The following SIPA1L3 variants were observed in gnomAD, a reference collection of about 807,000 sequenced individuals.
SIPA1L3 encodes signal-induced proliferation-associated 1-like protein 3.
Under a neutral mutation model 150.1 loss-of-function variants are expected in SIPA1L3, and 59 were observed. The ratio of observed to expected loss-of-function variants is 0.39; its 90% CI spans 0.32 to 0.49. The LOEUF (loss-of-function observed/expected upper bound fraction) is 0.49. Among genes scored for constraint, SIPA1L3 ranks in the 20% least tolerant of loss-of-function variants. The probability of loss-of-function intolerance (pLI) is 0.86; values close to 1 mark genes in which losing one functional copy is unlikely to be tolerated. For missense variants in SIPA1L3, 2,211 were observed against 2,489.5 expected (o/e 0.89, Z 2.38); for synonymous variants, 1,070 against 1,077.6 (o/e 0.99, Z 0.14).
intron 18 of SIPA1L3, among the ~76,000 whole-genome samples, chr19:38,197,007 G>A (rs1268216886): frequency 6.6e-6 from 1 of 152,190 alleles, no homozygotes; most frequent in African/African-American, 2.4e-5. Flanking sequence ...AGCACGTAGT[G>A]TATACCTCAT....
At chr19:38,175,350 C>T (rs1972414763) in intron 15 of SIPA1L3, among the ~76,000 whole-genome samples, 1 of 152,134 alleles carries the variant, frequency 6.6e-6, no homozygotes. Flanking sequence ...CCCAGGACCA[C>T]CCATTGGTCC....
chr19:38,027,774 C>T (rs1370806050), intron 1 of SIPA1L3, among the ~76,000 whole-genome samples: 1 of 151,896 alleles, frequency 6.6e-6, no homozygotes, highest in Non-Finnish European at 1.5e-5. Context: ...ATCTTAGCCT[C>T]CTGAGTAGCT....
chr19:38,138,018 C>T (rs1971474973), intron 10 of SIPA1L3, among the ~76,000 whole-genome samples: 1 of 152,084 alleles, frequency 6.6e-6, no homozygotes, highest in African/African-American at 2.4e-5. Context: ...GTAGTCCCAG[C>T]TACTCAGGAG....
chr19:38,169,475 TG>T (rs5828006), intron 15 of SIPA1L3, among the ~76,000 whole-genome samples: 12,694 of 152,134 alleles, frequency 0.083, 672 homozygotes, highest in Middle Eastern at 0.14. Context: ...ACTTCTTGGC[TG>T]TGTACCCCCA....
intron 4 of SIPA1L3, among the ~76,000 whole-genome samples, chr19:38,089,328 CAAAAAAAAAA>C (rs55806031): frequency 4.7e-5 from 3 of 64,288 alleles, no homozygotes; most frequent in African/African-American, 1.5e-4. Context: ...GACTGTGTCT[CAAAAAAAAAA>C]AAAAAAAAAG....
chr19:37,979,371 A>T (rs1967147331), intron 1 of SIPA1L3, among the ~76,000 whole-genome samples: 1 of 151,710 alleles, frequency 6.6e-6, no homozygotes. Flanking sequence ...CAACATGGTG[A>T]AACCCTATCT....
chr19:38,150,832 C>G (rs1230137920), intron 12 of SIPA1L3, among the ~76,000 whole-genome samples: 2 of 152,262 alleles, frequency 1.3e-5, no homozygotes, highest in African/African-American at 4.8e-5. Flanking sequence ...TGAGCCACCA[C>G]ACCTGGCTAA....
chr19:38,149,722 T>A (rs1203791532), intron 12 of SIPA1L3, among the ~76,000 whole-genome samples: 1 of 152,166 alleles, frequency 6.6e-6, no homozygotes, highest in African/African-American at 2.4e-5. Flanking sequence ...TGAGGAAGCT[T>A]CGAGGCTGGA....
At chr19:38,023,374 G>C (rs1475618743) in intron 1 of SIPA1L3, among the ~76,000 whole-genome samples, 1 of 152,190 alleles carries the variant, frequency 6.6e-6, no homozygotes. Context: ...TCATTATTGT[G>C]TGCTATTAAT....
Position 38,164,385 on chromosome 19 carries a change from C to T in SIPA1L3, c.3781-94C>T. On this transcript the variant is annotated intron_variant, in intron 14 of 21. Transcript: ENST00000222345. This position sits in a 1 kb window ranked among gnomAD's most constrained non-coding sequence, Gnocchi z 4.1. ...AGCCAGGATTTGAAGCTGTCTGGTCCCAGGGTTCAGGCCCAGGCAGAGGGA... is the reference window on the plus strand; with the variant it reads ...AGCCAGGATTTGAAGCTGTCTGGTCTCAGGGTTCAGGCCCAGGCAGAGGGA... 8.1e-7 allele frequency: 1 copy of T among 1,230,248 alleles called. No individual in the cohort carries two copies. Among genetic ancestry groups the T allele is most frequent in the East Asian group, 2.4e-5 (1 of 42,498 alleles). 76.2% of individuals were successfully genotyped at this position (1,230,248 alleles called of 1,614,324 possible).
At chr19:38,165,785 G>A (rs891299986) in intron 15 of SIPA1L3, among the ~76,000 whole-genome samples, 18 of 152,082 alleles carry the variant, frequency 1.2e-4, no homozygotes, top group African/African-American at 4.3e-4. Context: ...TTTTTTAGAC[G>A]GAGTTTCGTT....
rs928392645 is a variant in SIPA1L3 at position 38,112,719 on chromosome 19, A to C, written c.2291+2335A>C. 3.3e-5 allele frequency among the ~76,000 whole-genome samples: 5 copies of C among 152,052 alleles called. No homozygotes were observed. In the South Asian group the frequency reaches 1.0e-3, roughly 32 times the overall value. ...CATTTTTAAAGAAAGAAAATGTTAG[A>C]GATACAACCAAAGCTGCTCCTCAGC... On this transcript the variant is annotated intron_variant, in intron 8 of 21. Coordinates refer to ENST00000222345, the MANE Select transcript of SIPA1L3 (RefSeq NM_015073.3).
intron 13 of SIPA1L3, among the ~76,000 whole-genome samples, chr19:38,160,763 G>T (rs1972065464): frequency 6.6e-6 from 1 of 152,166 alleles, no homozygotes; most frequent in African/African-American, 2.4e-5. Context: ...AATTCCACCA[G>T]TAGCACTCTC....
At chr19:38,030,623 A>AATACATATATATATATATATAT (rs1250170240) in intron 2 of SIPA1L3, among the ~76,000 whole-genome samples, 1,481 of 42,074 alleles carry the variant, frequency 0.035, 109 homozygotes, top group East Asian at 0.048. Context: ...ATATGTGGCA[A>AATACATATATATATATATATAT]ATATATATAT....
At chr19:38,205,854 G>C (rs1371051052) in intron 21 of SIPA1L3, among the ~76,000 whole-genome samples, 1 of 152,232 alleles carries the variant, frequency 6.6e-6, no homozygotes, top group African/African-American at 2.4e-5. Flanking sequence ...CGTTCCGGGA[G>C]CTCTACATAG....
intron 1 of SIPA1L3, among the ~76,000 whole-genome samples, chr19:37,996,099 A>G (rs1239623207): frequency 6.6e-6 from 1 of 151,834 alleles, no homozygotes; most frequent in African/African-American, 2.4e-5. Context: ...TTTTTGGGGG[A>G]TGTGTGTGTG....
intron 1 of SIPA1L3, among the ~76,000 whole-genome samples, chr19:37,975,400 C>G (rs1967050819): frequency 6.6e-6 from 1 of 152,096 alleles, no homozygotes; most frequent in African/African-American, 2.4e-5. Flanking sequence ...AAGCCCTAGA[C>G]ACATCACCCC....
chr19:37,927,169 A>G (rs1309014892), intron 1 of SIPA1L3, among the ~76,000 whole-genome samples: 2 of 115,208 alleles, frequency 1.7e-5, no homozygotes, highest in Non-Finnish European at 3.4e-5. Context: ...TTTGAGATGG[A>G]GTCTCGCTCT....
intron 1 of SIPA1L3, among the ~76,000 whole-genome samples, chr19:37,977,026 A>G (rs2145606240): frequency 6.6e-6 from 1 of 152,044 alleles, no homozygotes; most frequent in African/African-American, 2.4e-5. Context: ...TTATAGAGAC[A>G]GGGTCTTGCC....
Sources: allele counts gnomAD v4.1 joint callset (sites outside exome capture counted in the v4.1 genomes callset), GRCh38; gene constraint gnomAD v4.1.1; non-coding constraint Gnocchi (gnomAD v3.1); transcripts MANE v1.5; gene names NCBI Gene and HGNC (gene_info 2026-07-23, HGNC 2026-07-21).